Variants in LRRC37A2 observed in about 807,000 individuals in gnomAD.
The protein encoded by LRRC37A2 is leucine-rich repeat-containing protein 37A2.
A neutral mutation model predicts 68.8 loss-of-function variants in LRRC37A2; 9 were observed. The observed-to-expected ratio is 0.13, with a 90% CI of 0.08 to 0.23. The LOEUF is 0.23. Among genes scored for constraint, LRRC37A2 ranks in the 10% least tolerant of loss-of-function variants. The pLI is 1.00. For missense variants in LRRC37A2, 168 were observed against 950.4 expected (o/e 0.18, Z 10.82); for synonymous variants, 63 against 367.6 (o/e 0.17, Z 9.48).
chr17:46,418,112 A>C, the LRRC37A2 span, among the ~76,000 whole-genome samples: 1 of 141,826 alleles, frequency 7.1e-6, no homozygotes, highest in African/African-American at 2.6e-5. Flanking sequence ...AGGTTGCTTA[A>C]GAGAGCTGCT....
chr17:46,991,190 T>G, the LRRC37A2 span, among the ~76,000 whole-genome samples: 1 of 152,196 alleles, frequency 6.6e-6, no homozygotes, highest in Non-Finnish European at 1.5e-5. Flanking sequence ...TGAGATGATG[T>G]CTAACTGGTC....
chr17:46,712,240 AT>A, the LRRC37A2 span, among the ~76,000 whole-genome samples: 1 of 152,208 alleles, frequency 6.6e-6, no homozygotes, highest in Non-Finnish European at 1.5e-5. Context: ...CCTCATTATT[AT>A]TGTCAATCAT....
At chr17:46,948,958 C>G in the LRRC37A2 span, 1 of 152,192 alleles carries the variant, frequency 6.6e-6, no homozygotes, top group Non-Finnish European at 1.5e-5. Context: ...AACTGAGCAC[C>G]CACCAGGTGC....
chr17:46,829,547 T>C, the LRRC37A2 span, among the ~76,000 whole-genome samples: 3 of 152,112 alleles, frequency 2.0e-5, no homozygotes, highest in African/African-American at 7.2e-5. Flanking sequence ...CATTCTCAGG[T>C]GTCTAGGAGC....
At chr17:46,771,831 G>A in the LRRC37A2 span, among the ~76,000 whole-genome samples, 1 of 141,816 alleles carries the variant, frequency 7.1e-6, no homozygotes, top group South Asian at 2.1e-4. Context: ...CCGCGCGGTG[G>A]GGGGGCGGTG....
At chr17:46,952,592 A>G in the LRRC37A2 span, 1 of 152,224 alleles carries the variant, frequency 6.6e-6, no homozygotes, top group Non-Finnish European at 1.5e-5. Context: ...CAAAAGGAAC[A>G]TGGCTCCTTT....
the LRRC37A2 span, among the ~76,000 whole-genome samples, chr17:46,824,945 T>C: frequency 6.6e-6 from 1 of 152,238 alleles, no homozygotes; most frequent in Non-Finnish European, 1.5e-5. Flanking sequence ...GGCAGCCTGT[T>C]GGGAAGTCAC....
the LRRC37A2 span, among the ~76,000 whole-genome samples, chr17:46,925,541 T>C: frequency 1.3e-5 from 2 of 152,212 alleles, no homozygotes; most frequent in Admixed American, 6.5e-5. Flanking sequence ...TAGAATGATA[T>C]TATAATTTGG....
At chr17:46,722,086 A>T in the LRRC37A2 span, 4 of 1,610,838 alleles carry the variant, frequency 2.5e-6, no homozygotes, top group African/African-American at 2.7e-5. Flanking sequence ...CCAGCTCCAG[A>T]AGAGCCTGGG....
At chr17:46,907,496 G>T in the LRRC37A2 span, among the ~76,000 whole-genome samples, 2 of 151,698 alleles carry the variant, frequency 1.3e-5, no homozygotes, top group South Asian at 4.2e-4. Context: ...TCCAGCCCCA[G>T]CTCTTGGCAT....
At chr17:46,859,065 C>T in the LRRC37A2 span, among the ~76,000 whole-genome samples, 1 of 151,640 alleles carries the variant, frequency 6.6e-6, no homozygotes, top group Admixed American at 6.6e-5. Context: ...CAACCTCCAC[C>T]TCCCGGGTTC....
the LRRC37A2 span, among the ~76,000 whole-genome samples, chr17:47,012,509 A>G: frequency 6.6e-6 from 1 of 152,194 alleles, no homozygotes; most frequent in Non-Finnish European, 1.5e-5. Context: ...TCCAGAATAT[A>G]TAAAGAACAC....
the LRRC37A2 span, chr17:46,935,385 A>G: frequency 5.6e-6 from 8 of 1,440,100 alleles, no homozygotes; most frequent in African/African-American, 1.1e-4. Flanking sequence ...CAAACCATGA[A>G]GTGGCCTCTC....
chr17:46,799,046 C>CA, the LRRC37A2 span, among the ~76,000 whole-genome samples: 20,951 of 92,988 alleles, frequency 0.23, 2,488 homozygotes, highest in African/African-American at 0.4. Flanking sequence ...GACTCCGTCT[C>CA]AAAAAAAAAA....
chr17:46,938,723 G>C, the LRRC37A2 span: 11 of 1,613,720 alleles, frequency 6.8e-6, no homozygotes, highest in Non-Finnish European at 9.3e-6. Context: ...CTGCTGACCT[G>C]TGTGGTCATG....
the LRRC37A2 span, among the ~76,000 whole-genome samples, chr17:47,009,562 G>A: frequency 6.6e-6 from 1 of 152,196 alleles, no homozygotes; most frequent in Non-Finnish European, 1.5e-5. Flanking sequence ...GTGGTCCTGA[G>A]CTATGGAAAC....
At chr17:46,773,690 G>A in the LRRC37A2 span, 2 of 1,475,506 alleles carry the variant, frequency 1.4e-6, no homozygotes, top group South Asian at 2.2e-5. Flanking sequence ...CGGGCCCAAA[G>A]ATGGCCAGGC....
chr17:46,768,014 C>T, the LRRC37A2 span, among the ~76,000 whole-genome samples: 1 of 152,336 alleles, frequency 6.6e-6, no homozygotes, highest in African/African-American at 2.4e-5. This position sits in a 1 kb window ranked among gnomAD's most constrained non-coding sequence, Gnocchi z 5.0. Context: ...TCTCGAACTC[C>T]TGACCTCAGG....
At chr17:46,389,241 AAAC>A in the LRRC37A2 span, among the ~76,000 whole-genome samples, 1 of 151,488 alleles carries the variant, frequency 6.6e-6, no homozygotes, top group Non-Finnish European at 1.5e-5. Context: ...AAACTTACTG[AAAC>A]AACACAAAAT....
Sources: gnomAD v4.1 joint callset for allele counts (sites outside exome capture counted in the v4.1 genomes callset) on GRCh38, gnomAD v4.1.1 for gene constraint, Gnocchi (gnomAD v3.1) non-coding constraint, MANE v1.5 for transcripts, NCBI Gene and HGNC (gene_info 2026-07-23, HGNC 2026-07-21) for gene names.